Variants in PRR11 observed in about 807,000 individuals in gnomAD.
The protein encoded by PRR11 is proline-rich protein 11.
PRR11 carries 30 observed loss-of-function variants against 45.6 expected under a neutral mutation model. That is an observed-to-expected ratio of 0.66 (90% confidence interval 0.49 to 0.89). The LOEUF (loss-of-function observed/expected upper bound fraction) is 0.89, where lower values mean the gene tolerates loss of function less well. Ranked by LOEUF, PRR11 falls within the 40% of genes least tolerant of loss-of-function variation. The pLI, the probability that PRR11 is intolerant of heterozygous loss-of-function variation, is 0.00. For synonymous variants in PRR11, 128 were observed against 153.5 expected, an observed-to-expected ratio of 0.83 and a Z score of 1.23; for missense variants, 373 against 424.8, an observed-to-expected ratio of 0.88 and a Z score of 1.07.
chr17:59,191,086 A>C (rs1413506430), intron 4 of PRR11, among the ~76,000 whole-genome samples: 1 of 152,188 alleles, frequency 6.6e-6, no homozygotes, highest in African/African-American at 2.4e-5. Flanking sequence ...GAGAGACTAG[A>C]GGGAGGGAGA....
At chr17:59,167,025 T>C (rs2046683256) in intron 1 of PRR11, among the ~76,000 whole-genome samples, 1 of 151,894 alleles carries the variant, frequency 6.6e-6, no homozygotes, top group Admixed American at 6.6e-5. Context: ...TAGCCAGGCG[T>C]GGATGGCGGG....
intron 2 of PRR11, among the ~76,000 whole-genome samples, chr17:59,183,313 A>G (rs1371906641): frequency 6.6e-6 from 1 of 152,102 alleles, no homozygotes; most frequent in Non-Finnish European, 1.5e-5. Flanking sequence ...TTCTCTGTAC[A>G]TGCCCATTTC....
chr17:59,195,904 G>A (rs1489238440), intron 7 of PRR11, among the ~76,000 whole-genome samples: 1 of 151,688 alleles, frequency 6.6e-6, no homozygotes, highest in Admixed American at 6.6e-5. Context: ...CATAGTGAGA[G>A]CCCCATCTCT....
chr17:59,161,470 C>G (rs971807381), intron 1 of PRR11, among the ~76,000 whole-genome samples: 3 of 151,108 alleles, frequency 2.0e-5, no homozygotes, highest in African/African-American at 7.3e-5. Flanking sequence ...AACATAAGGG[C>G]CGAGTACAGT....
intron 1 of PRR11, among the ~76,000 whole-genome samples, chr17:59,167,096 G>A (rs974262564): frequency 4.6e-5 from 7 of 152,126 alleles, no homozygotes; most frequent in Non-Finnish European, 7.3e-5. Context: ...TCCAGGAGGC[G>A]GAGCTTGCAG....
chr17:59,165,238 T>G (rs540342648), intron 1 of PRR11, among the ~76,000 whole-genome samples: 1 of 151,790 alleles, frequency 6.6e-6, no homozygotes, highest in African/African-American at 2.4e-5. Context: ...GCCAGGATGG[T>G]CTCGATCTCC....
intron 2 of PRR11, among the ~76,000 whole-genome samples, chr17:59,180,127 CTTTTTTTTTTTT>C (rs564643757): frequency 4.4e-5 from 5 of 114,942 alleles, no homozygotes; most frequent in Admixed American, 1.9e-4. Flanking sequence ...TGAGTCTCTC[CTTTTTTTTTTTT>C]TTTTTTTTTG....
intron 2 of PRR11, among the ~76,000 whole-genome samples, chr17:59,180,501 TTTTTTTTTG>T (rs57628359): frequency 1.7e-5 from 2 of 116,214 alleles, no homozygotes; most frequent in Admixed American, 8.3e-5. Flanking sequence ...TCCTTGTTTT[TTTTTTTTTG>T]TTTTTTTTGT....
At chr17:59,198,176 A>AT (rs1482401313) in intron 9 of PRR11, among the ~76,000 whole-genome samples, 2 of 152,116 alleles carry the variant, frequency 1.3e-5, no homozygotes, top group Non-Finnish European at 2.9e-5. Context: ...AGTAACAATA[A>AT]TTTTTAAATG....
intron 9 of PRR11, among the ~76,000 whole-genome samples, chr17:59,199,609 G>A (rs1246506414): frequency 6.6e-6 from 1 of 152,094 alleles, no homozygotes; most frequent in Non-Finnish European, 1.5e-5. Flanking sequence ...GCCATCCGTC[G>A]GCTGCCCCTG....
intron 9 of PRR11, among the ~76,000 whole-genome samples, chr17:59,199,606 G>A (rs963933213): frequency 3.9e-5 from 6 of 152,146 alleles, no homozygotes; most frequent in Non-Finnish European, 7.3e-5. Context: ...ACAGCCATCC[G>A]TCGGCTGCCC....
At chr17:59,168,454 G>A (rs1417992097) in intron 1 of PRR11, among the ~76,000 whole-genome samples, 3 of 152,088 alleles carry the variant, frequency 2.0e-5, no homozygotes, top group African/African-American at 7.2e-5. Flanking sequence ...ACAGACGTGA[G>A]CCACCACACC....
intron 9 of PRR11, among the ~76,000 whole-genome samples, chr17:59,199,802 C>G (rs1421951660): frequency 6.6e-6 from 1 of 152,252 alleles, no homozygotes; most frequent in East Asian, 1.9e-4. Context: ...TCTCTCTTAC[C>G]AATCAACTTG....
chr17:59,198,413 C>T (rs1293357541), intron 9 of PRR11, among the ~76,000 whole-genome samples: 2 of 151,946 alleles, frequency 1.3e-5, no homozygotes, highest in Admixed American at 6.6e-5. Flanking sequence ...CGGTGGCTCA[C>T]GCCTGTAATC....
chr17:59,172,265 C>T (rs575219799), intron 2 of PRR11, among the ~76,000 whole-genome samples: 6 of 152,264 alleles, frequency 3.9e-5, no homozygotes, highest in South Asian at 4.1e-4. Context: ...TGGAATTCAG[C>T]GGTATAAAAA....
At chr17:59,156,249 G>A (rs530372254) in intron 1 of PRR11, among the ~76,000 whole-genome samples, 5 of 152,206 alleles carry the variant, frequency 3.3e-5, no homozygotes, top group African/African-American at 1.2e-4. Context: ...TCTTGACTGG[G>A]AATATTACTA....
At chr17:59,163,337 G>A (rs754891032) in intron 1 of PRR11, among the ~76,000 whole-genome samples, 39 of 151,766 alleles carry the variant, frequency 2.6e-4, no homozygotes, top group Non-Finnish European at 4.9e-4. Context: ...CCTGCCTCCC[G>A]GCCTCCCAAA....
intron 5 of PRR11, among the ~76,000 whole-genome samples, chr17:59,194,005 G>T (rs1319788711): frequency 6.6e-6 from 1 of 152,016 alleles, no homozygotes; most frequent in East Asian, 1.9e-4. Context: ...TTTTTCCTAG[G>T]GAAGAAAACC....
chr17:59,169,623 AACC>A, intron 1 of PRR11, 122 bp from the exon 2 acceptor site: 1 of 891,746 alleles, frequency 1.1e-6, no homozygotes, highest in Non-Finnish European at 1.6e-6. Flanking sequence ...CCTATTTCTT[AACC>A]AAGATGGTGG....
Sources: gnomAD v4.1 joint callset for allele counts (sites outside exome capture counted in the v4.1 genomes callset) on GRCh38, gnomAD v4.1.1 for gene constraint, MANE v1.5 for transcripts, NCBI Gene and HGNC (gene_info 2026-07-23, HGNC 2026-07-21) for gene names.